Variants in TENM4 observed in about 807,000 individuals in gnomAD.
TENM4 encodes the protein teneurin-4.
In TENM4, 82 loss-of-function variants were observed where a neutral mutation model predicts 243.3. The observed-to-expected ratio is 0.34, with a 90% CI of 0.28 to 0.40. The LOEUF (loss-of-function observed/expected upper bound fraction) is 0.40, where lower values mean the gene tolerates loss of function less well. Among genes scored for constraint, TENM4 ranks in the 10% least tolerant of loss-of-function variants. The probability of loss-of-function intolerance (pLI) is 1.00; values close to 1 mark genes in which losing one functional copy is unlikely to be tolerated. For missense variants in TENM4, 3,138 were observed against 3,673.3 expected, an observed-to-expected ratio of 0.85 and a Z score of 3.77; for synonymous variants, 1,412 against 1,456.3, an observed-to-expected ratio of 0.97 and a Z score of 0.69.
Position 78,669,695 on chromosome 11 carries a change from T to C in TENM4, c.6650A>G (p.Tyr2217Cys), listed in dbSNP as rs1377844307. 6.2e-6 allele frequency: 10 copies of C among 1,614,008 alleles called. No individual in the cohort carries two copies. The highest frequency in any genetic ancestry group is 8.5e-6 in the Non-Finnish European group (10 of 1,179,896). Residue 2217 changes from tyrosine (Y) to cysteine (C), a missense_variant, in exon 32 of 34, where the codon TAC (tyrosine) becomes TGC (cysteine). Coordinates refer to ENST00000278550, the MANE Select transcript of TENM4 (RefSeq NM_001098816.3). This position sits in a 1 kb window ranked among gnomAD's most constrained non-coding sequence, Gnocchi z 6.4. ...INDKPLWRYS[Y>C]DLNGNLHLLS... is the part of the protein sequence containing the mutation. ...TAAGTGCAGGTTCCCATTGAGGTCG[T>C]AGCTGTAGCGCCAGAGTGGCTTGTC...
chr11:79,124,190 T>A (rs1227849058), intron 4 of TENM4, among the ~76,000 whole-genome samples: 1 of 152,154 alleles, frequency 6.6e-6, no homozygotes, highest in Non-Finnish European at 1.5e-5. Context: ...CTGCAAGTTT[T>A]CTTCCACAAT....
intron 1 of TENM4, among the ~76,000 whole-genome samples, chr11:79,430,776 C>T (rs973668261): frequency 6.6e-6 from 1 of 152,196 alleles, no homozygotes; most frequent in Non-Finnish European, 1.5e-5. Flanking sequence ...TTCTTTCCAT[C>T]TTTGAAGTTG....
In TENM4 at chr11:78,661,449, C is replaced by G; in HGVS notation, c.7551G>C (p.Lys2517Asn). 6.2e-7 allele frequency: 1 copy of G among 1,607,326 alleles called. No homozygotes were observed. Among genetic ancestry groups the G allele is most frequent in the Non-Finnish European group, 8.5e-7 (1 of 1,177,156 alleles). ...AGTGGCAGCCTTGTGCAGGAATTAC[C>G]TTGCTGTTGTCCCACTCCTGCGTTT... The part of the protein sequence containing the change: ...QMKTQEWDNS[K>N]SILGVQCEVQ... The change falls in exon 33 of 34, where the codon AAG (lysine) becomes AAC (asparagine). Residue 2517 changes from lysine (K) to asparagine (N), a missense_variant and splice_region_variant. Lys to Asn is a moderately conservative substitution (Grantham distance 94). This residue lies in a region of TENM4 where 2,467 missense variants were observed against 3,059.1 expected (regional missense o/e 0.81). Transcript: ENST00000278550.
chr11:78,743,323 C>T (rs1855974424), intron 19 of TENM4, among the ~76,000 whole-genome samples: 1 of 152,166 alleles, frequency 6.6e-6, no homozygotes, highest in Non-Finnish European at 1.5e-5. Flanking sequence ...CAGGGACCAA[C>T]CACATGTCCC....
intron 3 of TENM4, among the ~76,000 whole-genome samples, chr11:79,153,315 T>C (rs1862544673): frequency 6.6e-6 from 1 of 152,204 alleles, no homozygotes; most frequent in Admixed American, 6.5e-5. Flanking sequence ...CTTGTGTGAA[T>C]ACATGTCCAA....
At chr11:78,733,922 C>T (rs1855729085) in intron 20 of TENM4, among the ~76,000 whole-genome samples, 1 of 152,214 alleles carries the variant, frequency 6.6e-6, no homozygotes, top group African/African-American at 2.4e-5. Context: ...GGCATGGTGG[C>T]TCACATCTGT....
intron 4 of TENM4, among the ~76,000 whole-genome samples, chr11:79,114,907 A>G (rs573007873): frequency 3.3e-5 from 5 of 152,322 alleles, no homozygotes; most frequent in African/African-American, 9.6e-5. Context: ...GGGGATGCGA[A>G]GAGGCAGGGG....
chr11:78,967,225 G>T (rs1047799651), intron 6 of TENM4, among the ~76,000 whole-genome samples: 14 of 152,188 alleles, frequency 9.2e-5, no homozygotes, highest in African/African-American at 3.1e-4. Flanking sequence ...TTACTTGTCT[G>T]TGTCCACCCA....
chr11:79,372,428 G>A (rs943460347), intron 1 of TENM4, among the ~76,000 whole-genome samples: 1 of 152,196 alleles, frequency 6.6e-6, no homozygotes, highest in South Asian at 2.1e-4. Context: ...AGAAGAACCA[G>A]GGCTCTCCCT....
chr11:78,815,581 T>A (rs971102153), intron 12 of TENM4, among the ~76,000 whole-genome samples: 1 of 152,146 alleles, frequency 6.6e-6, no homozygotes, highest in South Asian at 2.1e-4. Flanking sequence ...TCAGGCACTG[T>A]TTTGTAGCTC....
At position 78,889,830 on chromosome 11, in the gene TENM4, T is replaced by C; in HGVS notation, c.1039A>G (p.Ile347Val). 1 of 1,551,816 alleles carries C rather than the reference T, an allele frequency of 6.4e-7. No homozygotes were observed. The highest frequency in any genetic ancestry group is 8.7e-7 in the Non-Finnish European group (1 of 1,147,030). The change falls in exon 9 of 34, where the codon ATC becomes GTC. Residue 347 changes from isoleucine (I) to valine (V), a missense_variant. Coordinates refer to ENST00000278550, the MANE Select transcript of TENM4 (RefSeq NM_001098816.3). ...CNWKCAALSA[I>V]VISATLVILL... ...ATGACCAGAGTGGCTGAGATGACGA[T>C]GGCGCTCAGGGCTGCGCACTTCCAG...
intron 6 of TENM4, among the ~76,000 whole-genome samples, chr11:79,002,521 G>A (rs568639710): frequency 1.3e-5 from 2 of 152,276 alleles, no homozygotes; most frequent in Admixed American, 6.5e-5. Flanking sequence ...ACAGCACACA[G>A]CCCAAAAGTG....
At chr11:78,814,611 C>T (rs755662929) in intron 12 of TENM4, among the ~76,000 whole-genome samples, 1 of 152,136 alleles carries the variant, frequency 6.6e-6, no homozygotes, top group Non-Finnish European at 1.5e-5. Flanking sequence ...AAAATGTCTG[C>T]CTGAACCAAA....
At chr11:79,214,780 T>C (rs1343309956) in intron 3 of TENM4, among the ~76,000 whole-genome samples, 1 of 152,222 alleles carries the variant, frequency 6.6e-6, no homozygotes, top group Non-Finnish European at 1.5e-5. Context: ...GATTTCCTCC[T>C]CTGCTACAGA....
At chr11:78,805,520 G>C in intron 14 of TENM4, 28 bp from the exon 15 acceptor site, 1 of 1,553,168 alleles carries the variant, frequency 6.4e-7, no homozygotes, top group Non-Finnish European at 8.7e-7. Flanking sequence ...GAGAACATAG[G>C]TAAGCATCTG....
chr11:79,161,867 A>T (rs115455940), intron 3 of TENM4, among the ~76,000 whole-genome samples: 2,451 of 152,250 alleles, frequency 0.016, 59 homozygotes, highest in African/African-American at 0.057. Context: ...CCAGAAAATG[A>T]CCCAAGTGCG....
chr11:78,949,884 A>G (rs1857077634), intron 6 of TENM4, among the ~76,000 whole-genome samples: 1 of 152,148 alleles, frequency 6.6e-6, no homozygotes, highest in African/African-American at 2.4e-5. Flanking sequence ...GAAGTCAGGA[A>G]TGATCACTGT....
At chr11:79,218,137 T>C (rs1590802929) in intron 2 of TENM4, among the ~76,000 whole-genome samples, 1 of 152,326 alleles carries the variant, frequency 6.6e-6, no homozygotes, top group African/African-American at 2.4e-5. Flanking sequence ...AATTAGGATA[T>C]GACTATCATT....
intron 9 of TENM4, among the ~76,000 whole-genome samples, chr11:78,863,666 T>TA (rs1279447490): frequency 4.6e-5 from 7 of 152,158 alleles, no homozygotes; most frequent in Non-Finnish European, 8.8e-5. Context: ...TTGGCAAAGA[T>TA]AAAAAAGGTT....
Sources: gnomAD v4.1 joint callset for allele counts (sites outside exome capture counted in the v4.1 genomes callset) on GRCh38, gnomAD v4.1.1 for gene constraint, gnomAD v4.1.1 regional missense constraint, Gnocchi (gnomAD v3.1) non-coding constraint, MANE v1.5 for transcripts, NCBI Gene and HGNC (gene_info 2026-07-23, HGNC 2026-07-21) for gene names.